The following NSUN6 variants were observed in gnomAD, a reference collection of about 807,000 sequenced individuals.
The protein encoded by NSUN6 is NOP2/Sun RNA methyltransferase 6.
Under a neutral mutation model 58.0 loss-of-function variants are expected in NSUN6, and 64 were observed. That is an observed-to-expected ratio of 1.10 (90% CI 0.90 to 1.36). NSUN6 has a LOEUF of 1.36. Ranked by LOEUF, NSUN6 falls within the 40% of genes most tolerant of loss-of-function variation. The pLI is 0.00. For missense variants in NSUN6, 701 were observed against 550.1 expected, an observed-to-expected ratio of 1.27 and a Z score of -2.74; for synonymous variants, 231 against 193.9, an observed-to-expected ratio of 1.19 and a Z score of -1.59.
At chr10:18,579,852 G>C (rs2032878606) in intron 8 of NSUN6, among the ~76,000 whole-genome samples, 1 of 152,132 alleles carries the variant, frequency 6.6e-6, no homozygotes, top group Admixed American at 6.6e-5. Context: ...ATAAACAATA[G>C]GGGAGAGAAG....
intron 8 of NSUN6, among the ~76,000 whole-genome samples, chr10:18,579,266 G>A (rs764036458): frequency 2.6e-5 from 4 of 151,982 alleles, no homozygotes; most frequent in Non-Finnish European, 5.9e-5. Context: ...TCTGCCTCCC[G>A]TTCATGCCAT....
At position 18,573,287 on chromosome 10, in the gene NSUN6, A is replaced by G. The variant is rs564361155; in HGVS notation, c.922+12662T>C. On this transcript the variant is annotated intron_variant, in intron 8 of 10. Coordinates refer to ENST00000377304, the MANE Select transcript of NSUN6 (RefSeq NM_182543.5). ...CATTGCATTCCATTCTGCATACTCC[A>G]TCCCATTCCATTCTCCATTCCATTC... Among the ~76,000 whole-genome samples, 21 of 148,702 alleles carry G rather than the reference A, an allele frequency of 1.4e-4. No individual in the cohort carries two copies. In the East Asian group the frequency reaches 4.1e-3, roughly 29 times the overall value.
intron 8 of NSUN6, among the ~76,000 whole-genome samples, chr10:18,568,416 CTCCATTT>C (rs1033097980): frequency 3.1e-4 from 46 of 148,710 alleles, no homozygotes; most frequent in African/African-American, 1.1e-3. Flanking sequence ...CCATTCCATT[CTCCATTT>C]CATTCCATTG....
chr10:18,646,810 G>A (rs1255049490), intron 2 of NSUN6, among the ~76,000 whole-genome samples: 2 of 152,148 alleles, frequency 1.3e-5, no homozygotes, highest in African/African-American at 4.8e-5. Context: ...CAGCCTGGGC[G>A]ACAGAGTGAG....
intron 3 of NSUN6, among the ~76,000 whole-genome samples, chr10:18,622,843 G>A (rs560141287): frequency 2.0e-5 from 3 of 152,236 alleles, no homozygotes; most frequent in South Asian, 2.1e-4. Flanking sequence ...GTTCTAGCCT[G>A]CTTGAACTAT....
At chr10:18,620,870 A>G (rs2058581007) in intron 3 of NSUN6, among the ~76,000 whole-genome samples, 1 of 152,210 alleles carries the variant, frequency 6.6e-6, no homozygotes, top group African/African-American at 2.4e-5. Flanking sequence ...CAAATTCAAA[A>G]ACATGTTTTG....
At chr10:18,602,036 G>T (rs1158806563) in intron 6 of NSUN6, among the ~76,000 whole-genome samples, 1 of 151,726 alleles carries the variant, frequency 6.6e-6, no homozygotes, top group East Asian at 2.0e-4. Context: ...TGTGAGACAG[G>T]TAATTCCCCC....
intron 7 of NSUN6, among the ~76,000 whole-genome samples, chr10:18,594,216 AAAGC>A (rs1439067712): frequency 6.9e-6 from 1 of 145,454 alleles, no homozygotes; most frequent in East Asian, 2.2e-4. Context: ...AAAAAAAAAG[AAAGC>A]AAGCCTGGTG....
At chr10:18,612,203 GAGACCAGAATTCA>G (rs1415991396) in intron 5 of NSUN6, among the ~76,000 whole-genome samples, 1 of 152,038 alleles carries the variant, frequency 6.6e-6, no homozygotes, top group Admixed American at 6.6e-5. Context: ...AGAACTGCTT[GAGACCAGAATTCA>G]AGACCAGACT....
chr10:18,600,041 G>A (rs901902170), intron 6 of NSUN6, among the ~76,000 whole-genome samples: 1 of 152,012 alleles, frequency 6.6e-6, no homozygotes, highest in African/African-American at 2.4e-5. Context: ...AGTATCTTTG[G>A]GTAATGTAAG....
At chr10:18,647,577 T>C (rs1428205955) in intron 2 of NSUN6, among the ~76,000 whole-genome samples, 1 of 152,194 alleles carries the variant, frequency 6.6e-6, no homozygotes, top group Non-Finnish European at 1.5e-5. Flanking sequence ...CATTTTATAA[T>C]ATTGTTTTCA....
chr10:18,653,998 GCATTTAATTT>G (rs1268807958), upstream of NSUN6, among the ~76,000 whole-genome samples: 1 of 152,140 alleles, frequency 6.6e-6, no homozygotes, highest in Non-Finnish European at 1.5e-5. Flanking sequence ...TCACTCCTGA[GCATTTAATTT>G]CATGGTAAGG....
chr10:18,637,613 G>C (rs1056791465), intron 3 of NSUN6, among the ~76,000 whole-genome samples: 4 of 152,170 alleles, frequency 2.6e-5, no homozygotes, highest in African/African-American at 9.7e-5. Flanking sequence ...CCTTTGAACT[G>C]GTTATTCTGT....
intron 3 of NSUN6, among the ~76,000 whole-genome samples, chr10:18,636,000 T>A (rs2131522827): frequency 6.6e-6 from 1 of 151,314 alleles, no homozygotes; most frequent in East Asian, 2.0e-4. Context: ...GGAAAAGTTT[T>A]TGGTGGGCCT....
chr10:18,635,402 T>C lies in NSUN6; in HGVS notation c.311+7074A>G, dbSNP rs531833041. ...AGGGCTGTCTTGGGAATCTCTGATG[T>C]AGGTAATATCTGTGCCAGAAACGCA... is the stretch of plus-strand genomic sequence containing the variant. On this transcript the variant is annotated intron_variant, in intron 3 of 10. Transcript: ENST00000377304. Among the ~76,000 whole-genome samples the C allele has an allele frequency of 7.9e-5, 12 of 152,320 alleles. No individual in the cohort carries two copies. In the East Asian group the frequency reaches 1.9e-3, roughly 25 times the overall value.
chr10:18,600,993 T>TATACATATATA (rs1554870074), intron 6 of NSUN6, among the ~76,000 whole-genome samples: 3 of 126,404 alleles, frequency 2.4e-5, no homozygotes, highest in Non-Finnish European at 5.0e-5. Flanking sequence ...TATATATATA[T>TATACATATATA]TATATACTAG....
intron 3 of NSUN6, among the ~76,000 whole-genome samples, chr10:18,627,515 AGGGAGT>A: frequency 6.6e-6 from 1 of 152,262 alleles, no homozygotes; most frequent in Admixed American, 6.5e-5. Flanking sequence ...TCATCTCACT[AGGGAGT>A]GCCAGACAGT....
rs751068037 is a variant in NSUN6, at chr10:18,548,131, C to T, written c.1178G>A (p.Cys393Tyr). 6.2e-7 allele frequency: 1 copy of T among 1,613,832 alleles called. No homozygotes were observed. The highest frequency in any genetic ancestry group is 1.7e-5 in the Admixed American group (1 of 59,956). Residue 393 changes from cysteine to tyrosine, a missense_variant, in exon 10 of 11, where the codon TGC (cysteine) becomes TAC (tyrosine). Transcript: ENST00000377304. Reference sequence around the variant, plus strand: ...TCCTACCTGGGGCTGAAGCTGAAGGCAAGGAAATTTTGTCAGGGCCCAGGC... The same window carrying T: ...TCCTACCTGGGGCTGAAGCTGAAGGTAAGGAAATTTTGTCAGGGCCCAGGC... ...QVAWALTKFP[C>Y]LQLQPQEPQI... is the part of the protein sequence containing the mutation.
At chr10:18,580,871 C>A (rs551389489) in intron 8 of NSUN6, among the ~76,000 whole-genome samples, 1 of 152,146 alleles carries the variant, frequency 6.6e-6, no homozygotes, top group East Asian at 1.9e-4. Flanking sequence ...AGAAAGAGTT[C>A]GACCAAGGGG....
Sources: allele counts gnomAD v4.1 joint callset (sites outside exome capture counted in the v4.1 genomes callset), GRCh38; gene constraint gnomAD v4.1.1; transcripts MANE v1.5; gene names NCBI Gene and HGNC (gene_info 2026-07-23, HGNC 2026-07-21).